PCDHGA1: variants seen among roughly 807,000 people sequenced by gnomAD.
The protein encoded by PCDHGA1 is protocadherin gamma subfamily A, 1.
A neutral mutation model predicts 58.0 loss-of-function variants in PCDHGA1; 32 were observed. The observed-to-expected ratio is 0.55, with a 90% CI of 0.42 to 0.74. The LOEUF (loss-of-function observed/expected upper bound fraction) is 0.74. Among genes scored for constraint, PCDHGA1 ranks in the 30% least tolerant of loss-of-function variants. PCDHGA1 has a pLI of 0.00. For synonymous variants in PCDHGA1, 498 were observed against 501.1 expected, an observed-to-expected ratio of 0.99 and a Z score of 0.08; for missense variants, 1,205 against 1,182.3, an observed-to-expected ratio of 1.02 and a Z score of -0.28.
At chr5:141,468,403 A>C (rs2099166784) in intron 1 of PCDHGA1, 1 of 152,088 alleles carries the variant, frequency 6.6e-6, no homozygotes, top group African/African-American at 2.4e-5. Flanking sequence ...GGTGAGAACT[A>C]ATAATAAGTT....
At chr5:141,474,964 CATT>C (rs1489874965) in intron 1 of PCDHGA1, among the ~76,000 whole-genome samples, 1 of 152,216 alleles carries the variant, frequency 6.6e-6, no homozygotes, top group Non-Finnish European at 1.5e-5. Context: ...CTATCCTAAT[CATT>C]ATAATTTTGT....
intron 1 of PCDHGA1, chr5:141,366,507 A>C: frequency 1.2e-6 from 2 of 1,614,238 alleles, no homozygotes; most frequent in Non-Finnish European, 8.5e-7. Flanking sequence ...CGCCTGCTTC[A>C]GGCTGAAGGC....
chr5:141,340,705 G>T lies in PCDHGA1; in HGVS notation c.2421+7600G>T, dbSNP rs144207825. 5.0e-6 allele frequency: 8 copies of T among 1,614,098 alleles called. No homozygotes were observed. The African/African-American group carries it at 9.3e-5, about 19-fold the overall frequency. The stretch of plus-strand genomic sequence containing the variant: ...ACGGTTCCACTGGCGTGGAGCTGGC[G>T]CCCCGCTCCGCAGAGCCCGGCTACC... On this transcript the variant is annotated intron_variant, in intron 1 of 3. Coordinates refer to ENST00000517417, the MANE Select transcript of PCDHGA1 (RefSeq NM_018912.3).
chr5:141,490,042 G>A lies in PCDHGA1; in HGVS notation c.2422-4765G>A. On this transcript the variant is annotated intron_variant, in intron 1 of 3. Transcript: ENST00000517417. This position sits in a 1 kb window ranked among gnomAD's most constrained non-coding sequence, Gnocchi z 5.4. ...TCTGCTGCTCCGCCTCAATGCCACT[G>A]ATCCAGACGAGGGCACCAACGGCCA... The A allele has an allele frequency of 6.2e-7, 1 of 1,614,266 alleles. No homozygotes were observed. Among genetic ancestry groups the A allele is most frequent in the Non-Finnish European group, 8.5e-7 (1 of 1,180,038 alleles).
At chr5:141,507,680 A>C (rs73794928) in intron 3 of PCDHGA1, among the ~76,000 whole-genome samples, 2,806 of 152,362 alleles carry the variant, frequency 0.018, 91 homozygotes, top group African/African-American at 0.063. Flanking sequence ...GATGTTAAAA[A>C]CAGAAATGAA....
At chr5:141,420,213 G>A in intron 1 of PCDHGA1, 1 of 1,611,648 alleles carries the variant, frequency 6.2e-7, no homozygotes, top group Non-Finnish European at 8.5e-7. Flanking sequence ...AACAAAGATA[G>A]CATGCTACTG....
At chr5:141,473,343 T>G (rs1309426537) in intron 1 of PCDHGA1, among the ~76,000 whole-genome samples, 1 of 152,218 alleles carries the variant, frequency 6.6e-6, no homozygotes, top group African/African-American at 2.4e-5. Context: ...TGCTAGACAG[T>G]GAGGATGCAA....
intron 3 of PCDHGA1, among the ~76,000 whole-genome samples, chr5:141,506,781 T>C (rs965408564): frequency 1.4e-4 from 22 of 152,168 alleles, no homozygotes; most frequent in African/African-American, 5.3e-4. Context: ...CCTGGGCTTA[T>C]AAGGAGGCTG....
At chr5:141,340,396 G>T (rs147569184) in intron 1 of PCDHGA1, 2 of 1,614,108 alleles carry the variant, frequency 1.2e-6, no homozygotes, top group African/African-American at 2.7e-5. Context: ...TCTCAGTGAC[G>T]GCCCATGACC....
chr5:141,333,202 C>G, intron 1 of PCDHGA1, 97 bp downstream of exon 1: 1 of 1,545,800 alleles, frequency 6.5e-7, no homozygotes, highest in Non-Finnish European at 8.8e-7. Flanking sequence ...GTTCTTCTAA[C>G]CCATGTATCT....
intron 1 of PCDHGA1, chr5:141,415,862 A>G: frequency 1.8e-6 from 2 of 1,107,350 alleles, no homozygotes; most frequent in Non-Finnish European, 1.2e-6. Flanking sequence ...TGTAGTTTAT[A>G]GTGTTGTTGA....
At chr5:141,402,096 A>G (rs1343417374) in intron 1 of PCDHGA1, among the ~76,000 whole-genome samples, 2 of 152,226 alleles carry the variant, frequency 1.3e-5, no homozygotes, top group Non-Finnish European at 2.9e-5. Context: ...GAAAAGTTTA[A>G]GCAATTACAA....
rs775674745 is a variant in PCDHGA1 at position 141,371,722 on chromosome 5, T to C, written c.2421+38617T>C. The C allele has an allele frequency of 3.1e-5, 50 of 1,613,944 alleles. No homozygotes were observed. In the South Asian group the frequency reaches 5.4e-4, roughly 17 times the overall value. On this transcript the variant is annotated intron_variant, in intron 1 of 3. Coordinates refer to ENST00000517417, the MANE Select transcript of PCDHGA1 (RefSeq NM_018912.3). ...AGCAAGACCATCACTCTGCACATCC[T>C]TGATGTCAACGACAACGTTCCCGTT...
intron 1 of PCDHGA1, among the ~76,000 whole-genome samples, chr5:141,453,315 T>A (rs1410108522): frequency 6.6e-6 from 1 of 151,214 alleles, no homozygotes; most frequent in African/African-American, 2.5e-5. Context: ...TTATTTATTT[T>A]AGAGATGGGG....
intron 1 of PCDHGA1, chr5:141,375,808 G>A (rs992921332): frequency 6.2e-7 from 1 of 1,614,226 alleles, no homozygotes; most frequent in Non-Finnish European, 8.5e-7. Context: ...CCACTGGCGT[G>A]GAGCTGGCGC....
intron 3 of PCDHGA1, among the ~76,000 whole-genome samples, chr5:141,508,742 C>A (rs955179947): frequency 2.0e-5 from 3 of 151,998 alleles, no homozygotes; most frequent in Admixed American, 6.6e-5. Context: ...CCCCCCACCC[C>A]GCTCTTTCTC....
At chr5:141,364,988 C>A (rs1479313119) in intron 1 of PCDHGA1, 10 of 1,613,892 alleles carry the variant, frequency 6.2e-6, no homozygotes, top group East Asian at 4.5e-5. Context: ...TGGCGGAGAC[C>A]CGGTACTCTC....
chr5:141,444,472 C>A (rs559334960), intron 1 of PCDHGA1, among the ~76,000 whole-genome samples: 2 of 151,850 alleles, frequency 1.3e-5, no homozygotes, highest in Non-Finnish European at 2.9e-5. Context: ...CGCCCGGTCG[C>A]GTACTGGATT....
chr5:141,371,025 G>T (rs752262300), intron 1 of PCDHGA1: 9 of 1,613,988 alleles, frequency 5.6e-6, no homozygotes, highest in African/African-American at 1.3e-5. Flanking sequence ...TCACCACCTG[G>T]TCCTCACAGC....
Sources: allele counts gnomAD v4.1 joint callset (sites outside exome capture counted in the v4.1 genomes callset), GRCh38; gene constraint gnomAD v4.1.1; non-coding constraint Gnocchi (gnomAD v3.1); transcripts MANE v1.5; gene names NCBI Gene and HGNC (gene_info 2026-07-23, HGNC 2026-07-21).